SLC2A10: variants seen among roughly 807,000 people sequenced by gnomAD.
SLC2A10 encodes the protein solute carrier family 2 member 10, also known as solute carrier family 2, facilitated glucose transporter member 10.
A neutral mutation model predicts 32.1 loss-of-function variants in SLC2A10; 25 were observed. The observed-to-expected ratio is 0.78, with a 90% CI of 0.57 to 1.09. SLC2A10 has a LOEUF of 1.09. SLC2A10 is among the 50% of genes least tolerant of loss of function. The pLI is 0.00. For missense variants in SLC2A10, 673 were observed against 686.5 expected, an observed-to-expected ratio of 0.98 and a Z score of 0.22; for synonymous variants, 332 against 309.6, an observed-to-expected ratio of 1.07 and a Z score of -0.76.
chr20:46,712,733 A>G (rs1979004034), intron 1 of SLC2A10, among the ~76,000 whole-genome samples: 1 of 138,128 alleles, frequency 7.2e-6, no homozygotes, highest in Non-Finnish European at 1.5e-5. Flanking sequence ...GGCTCACTGC[A>G]ACCTCTGCCT....
rs527497095 is a variant in SLC2A10, at chr20:46,725,339, G to T, written c.303G>T (p.Leu101=). The T allele has an allele frequency of 9.3e-6, 15 of 1,614,116 alleles. No homozygotes were observed. Among genetic ancestry groups the T allele is most frequent in the Non-Finnish European group, 1.2e-5 (14 of 1,180,040 alleles). The change falls in exon 2 of 5, where the codon CTG becomes CTT. Residue 101 remains leucine (L), a synonymous_variant. Transcript: ENST00000359271. The part of the protein sequence containing the change: ...TLGLAGSLAW[L]VLGRAVVGFA... ...GCCTGGCTGGTTCCCTGGCCTGGCTGGTCCTGGGCCGCGCTGTGGTTGGCT... is the reference window on the plus strand; with the variant it reads ...GCCTGGCTGGTTCCCTGGCCTGGCTTGTCCTGGGCCGCGCTGTGGTTGGCT...
chr20:46,732,673 G>T (rs1247848024), intron 4 of SLC2A10, among the ~76,000 whole-genome samples: 1 of 151,602 alleles, frequency 6.6e-6, no homozygotes, highest in Non-Finnish European at 1.5e-5. Flanking sequence ...TGATATTTTT[G>T]TGTATCGGTT....
In SLC2A10 at chr20:46,725,821, G is replaced by A; in HGVS notation, c.785G>A (p.Gly262Asp). 1 of 1,614,238 alleles carries A rather than the reference G, an allele frequency of 6.2e-7. No individual in the cohort carries two copies. The highest frequency in any genetic ancestry group is 8.5e-7 in the Non-Finnish European group (1 of 1,180,040). The change falls in exon 2 of 5, where the codon GGT (glycine) becomes GAT (aspartate). Residue 262 changes from glycine (G) to aspartate (D), a missense_variant. Coordinates refer to ENST00000359271, the MANE Select transcript of SLC2A10 (RefSeq NM_030777.4). ...CYASTIFSSV[G>D]FHGGSSAVLA... is the part of the protein sequence containing the mutation. ...GCCTCCACCATCTTCAGCTCCGTTG[G>A]TTTCCATGGGGGATCCTCAGCCGTG... is the stretch of plus-strand genomic sequence containing the variant.
At chr20:46,729,330 C>T (rs776329398) in intron 3 of SLC2A10, 23 bp from the exon 4 acceptor site, 5 of 1,612,840 alleles carry the variant, frequency 3.1e-6, no homozygotes, top group Non-Finnish European at 2.5e-6. Context: ...CCTGGGCCTA[C>T]ACTCCCGCCC....
At chr20:46,708,436 C>T (rs1426279265), upstream of SLC2A10, among the ~76,000 whole-genome samples, 2 of 152,150 alleles carry the variant, frequency 1.3e-5, no homozygotes, top group African/African-American at 4.8e-5. Context: ...ATCCCAGGCT[C>T]ATAGCCAACT....
rs774901876 is a variant in SLC2A10 at position 46,725,948 on chromosome 20, T to G, written c.912T>G (p.Cys304Trp). Residue 304 changes from cysteine to tryptophan, a missense_variant, in exon 2 of 5, where the codon TGT becomes TGG. Coordinates refer to ENST00000359271, the MANE Select transcript of SLC2A10 (RefSeq NM_030777.4). The stretch of plus-strand genomic sequence containing the variant: ...GCAGGGCTCTGTTGCTAGCTGGCTG[T>G]GCCCTCATGGCCCTGTCCGTCAGTG... ...AGRRALLLAG[C>W]ALMALSVSGI... is the part of the protein sequence containing the mutation. 2.5e-6 allele frequency: 4 copies of G among 1,613,918 alleles called. No homozygotes were observed. In the East Asian group the frequency reaches 8.9e-5, roughly 36 times the overall value.
chr20:46,725,172 G>C lies in SLC2A10; in HGVS notation c.136G>C (p.Glu46Gln), dbSNP rs1388428236. ...GCTTGACTTTGGGCTAAGCTGCTTG[G>C]AGCAGGAGTTCCTGGTGGGCAGCCT... ...LQLDFGLSCL[E>Q]QEFLVGSLLL... is the part of the protein sequence containing the mutation. The change falls in exon 2 of 5, where the codon GAG becomes CAG. Residue 46 changes from glutamate to glutamine, a missense_variant. By Grantham distance (29) the Glu-to-Gln change is conservative. Coordinates refer to ENST00000359271, the MANE Select transcript of SLC2A10 (RefSeq NM_030777.4). 6.2e-7 allele frequency: 1 copy of C among 1,614,066 alleles called. No homozygotes were observed. Among genetic ancestry groups the C allele is most frequent in the African/African-American group, 1.3e-5 (1 of 74,928 alleles).
At position 46,729,381 on chromosome 20, in the gene SLC2A10, G is replaced by T; in HGVS notation, c.1440G>T (p.Leu480=). ...IGTIGLSWTF[L]LYGLTAVLGL... ...CCATCGGCTTGTCCTGGACCTTCCT[G>T]CTCTACGGACTGACCGCTGTCCTCG... The change falls in exon 4 of 5, where the codon CTG becomes CTT. Residue 480 remains leucine (L), a synonymous_variant. Transcript: ENST00000359271. The T allele has an allele frequency of 6.2e-7, 1 of 1,613,840 alleles. No individual in the cohort carries two copies. Among genetic ancestry groups the T allele is most frequent in the South Asian group, 1.1e-5 (1 of 91,058 alleles).
In SLC2A10 at chr20:46,725,887, C is replaced by T. The variant is rs765689972; in HGVS notation, c.851C>T (p.Thr284Ile). ...CTTGGCGCAGTGAAGGTGGCAGCTA[C>T]CCTGACCGCCATGGGGCTGGTGGAC... ...VGLGAVKVAATLTAMGLVDRA... is the reference protein window; with the variant it reads ...VGLGAVKVAAILTAMGLVDRA... The change falls in exon 2 of 5, where the codon ACC becomes ATC. Residue 284 changes from threonine (T) to isoleucine (I), a missense_variant. Physicochemically the swap from Thr to Ile is moderately conservative, Grantham distance 89. Coordinates refer to ENST00000359271, the MANE Select transcript of SLC2A10 (RefSeq NM_030777.4). 1.2e-6 allele frequency: 2 copies of T among 1,614,212 alleles called. No homozygotes were observed. The highest frequency in any genetic ancestry group is 1.7e-5 in the Admixed American group (1 of 60,036).
At chr20:46,714,050 A>C (rs1464844193) in intron 1 of SLC2A10, among the ~76,000 whole-genome samples, 1 of 152,186 alleles carries the variant, frequency 6.6e-6, no homozygotes, top group East Asian at 1.9e-4. Flanking sequence ...TTAAAAAAAA[A>C]ATGACAGGCC....
In SLC2A10 at chr20:46,726,170, C is replaced by T. The variant is rs892020307; in HGVS notation, c.1134C>T (p.Pro378=). The T allele has an allele frequency of 1.2e-6, 2 of 1,614,252 alleles. No individual in the cohort carries two copies. The highest frequency in any genetic ancestry group is 2.2e-5 in the East Asian group (1 of 44,890). The change falls in exon 2 of 5, where the codon CCC becomes CCT. Residue 378 remains proline (P), a synonymous_variant. Coordinates refer to ENST00000359271, the MANE Select transcript of SLC2A10 (RefSeq NM_030777.4). ...LSTAKKTKPH[P]RSGDPSAPPR... The stretch of plus-strand genomic sequence containing the variant: ...CTGCTAAGAAAACCAAGCCCCATCC[C>T]AGATCTGGAGACCCCTCAGCCCCTC...
In SLC2A10 at chr20:46,734,006, A is replaced by C. The variant is rs1980440749; in HGVS notation, c.*172A>C. 1.5e-6 allele frequency: 1 copy of C among 682,960 alleles called. No individual in the cohort carries two copies. Among genetic ancestry groups the C allele is most frequent in the East Asian group, 2.7e-5 (1 of 36,780 alleles). 42.3% of individuals were successfully genotyped at this position (682,960 alleles called of 1,614,324 possible). ...AAAGGATGAAAGTCTGAGAATGCCCAACTCTTCATTTTGAGTCTCAGGCCC... is the reference window on the plus strand; with the variant it reads ...AAAGGATGAAAGTCTGAGAATGCCCCACTCTTCATTTTGAGTCTCAGGCCC... On this transcript the variant is annotated 3_prime_UTR_variant, in exon 5 of 5. Transcript: ENST00000359271.
chr20:46,729,625 GTTTTTTTTTTTTTTTT>G (rs68037732), intron 4 of SLC2A10, 137 bp downstream of exon 4: 24,509 of 310,868 alleles, frequency 0.079, 174 homozygotes, highest in East Asian at 0.14. Flanking sequence ...GGCACTATGA[GTTTTTTTTTTTTTTTT>G]TTTTTTTTTT....
At chr20:46,709,041 T>A (rs1978747154), upstream of SLC2A10, among the ~76,000 whole-genome samples, 1 of 152,214 alleles carries the variant, frequency 6.6e-6, no homozygotes, top group Admixed American at 6.5e-5. Context: ...GATCCTTTAG[T>A]TACTTCTTTT....
At position 46,725,333 on chromosome 20, in the gene SLC2A10, C is replaced by T. The variant is rs1390850910; in HGVS notation, c.297C>T (p.Ala99=). 4 of 1,614,018 alleles carry T rather than the reference C, an allele frequency of 2.5e-6. No individual in the cohort carries two copies. Among genetic ancestry groups the T allele is most frequent in the Non-Finnish European group, 3.4e-6 (4 of 1,180,056 alleles). ...CCCTGGGCCTGGCTGGTTCCCTGGC[C>T]TGGCTGGTCCTGGGCCGCGCTGTGG... ...SLTLGLAGSL[A]WLVLGRAVVG... The change falls in exon 2 of 5, where the codon GCC becomes GCT. Residue 99 remains alanine, a synonymous_variant. Coordinates refer to ENST00000359271, the MANE Select transcript of SLC2A10 (RefSeq NM_030777.4).
chr20:46,719,094 T>C (rs1444712406), intron 1 of SLC2A10, among the ~76,000 whole-genome samples: 1 of 152,152 alleles, frequency 6.6e-6, no homozygotes, highest in Non-Finnish European at 1.5e-5. Context: ...AGCTGTGTAT[T>C]TTAAGTTTCT....
Position 46,725,533 on chromosome 20 carries a change from A to G in SLC2A10, c.497A>G (p.His166Arg). The G allele has an allele frequency of 6.2e-7, 1 of 1,614,116 alleles. No individual in the cohort carries two copies. The highest frequency in any genetic ancestry group is 1.3e-5 in the African/African-American group (1 of 75,038). ...ALAGTPWGWR[H>R]MFGWATAPAV... ...GCTGGTACCCCCTGGGGATGGAGGCACATGTTCGGCTGGGCCACTGCACCT... is the reference window on the plus strand; with the variant it reads ...GCTGGTACCCCCTGGGGATGGAGGCGCATGTTCGGCTGGGCCACTGCACCT... The change falls in exon 2 of 5, where the codon CAC (histidine) becomes CGC (arginine). Residue 166 changes from histidine (H) to arginine (R), a missense_variant. Coordinates refer to ENST00000359271, the MANE Select transcript of SLC2A10 (RefSeq NM_030777.4).
chr20:46,733,923 A>G lies in SLC2A10; in HGVS notation c.*89A>G. On this transcript the variant is annotated 3_prime_UTR_variant, in exon 5 of 5. Transcript: ENST00000359271. Reference sequence around the variant, plus strand: ...TCCTAGGCCCCAGAGCACAAGTTCCAGCTGGTCTTTTGGGAGTGGCCCCTG... The same window carrying G: ...TCCTAGGCCCCAGAGCACAAGTTCCGGCTGGTCTTTTGGGAGTGGCCCCTG... 1 of 1,346,512 alleles carries G rather than the reference A, an allele frequency of 7.4e-7. No homozygotes were observed. The highest frequency in any genetic ancestry group is 1.0e-6 in the Non-Finnish European group (1 of 953,088). 83.4% of individuals were successfully genotyped at this position (1,346,512 alleles called of 1,614,324 possible). A position where few individuals can be genotyped will look rare whatever the true frequency, so the allele number is the denominator to read the frequency against.
chr20:46,715,014 T>G (rs1458856853), intron 1 of SLC2A10, among the ~76,000 whole-genome samples: 1 of 152,160 alleles, frequency 6.6e-6, no homozygotes, highest in East Asian at 1.9e-4. Context: ...CTTAAGGACA[T>G]GGGTTTGGGA....
Sources: gnomAD v4.1 joint callset for allele counts (sites outside exome capture counted in the v4.1 genomes callset) on GRCh38, gnomAD v4.1.1 for gene constraint, MANE v1.5 for transcripts, NCBI Gene and HGNC (gene_info 2026-07-23, HGNC 2026-07-21) for gene names.